Variants in CNTNAP3B observed in about 807,000 individuals in gnomAD.
The protein encoded by CNTNAP3B is contactin-associated protein-like 3B.
A neutral mutation model predicts 108.9 loss-of-function variants in CNTNAP3B; 25 were observed. That is an observed-to-expected ratio of 0.23 (90% CI 0.17 to 0.32). The LOEUF (loss-of-function observed/expected upper bound fraction) is 0.32, where lower values mean the gene tolerates loss of function less well. Among genes scored for constraint, CNTNAP3B ranks in the 10% least tolerant of loss-of-function variants. CNTNAP3B has a pLI of 1.00. For synonymous variants in CNTNAP3B, 103 were observed against 473.4 expected, an observed-to-expected ratio of 0.22 and a Z score of 10.16; for missense variants, 252 against 1,210.4, an observed-to-expected ratio of 0.21 and a Z score of 11.75.
At chr9:41,944,942 A>G (rs1824479965) in intron 13 of CNTNAP3B, among the ~76,000 whole-genome samples, 1 of 151,750 alleles carries the variant, frequency 6.6e-6, no homozygotes, top group Non-Finnish European at 1.5e-5. Flanking sequence ...AACCTCATCA[A>G]AAAGTGGGCG....
chr9:41,927,473 G>GAGAA (rs1554737875), intron 15 of CNTNAP3B, among the ~76,000 whole-genome samples: 29 of 130,238 alleles, frequency 2.2e-4, no homozygotes, highest in African/African-American at 8.0e-4. Context: ...GGAGGGAGTG[G>GAGAA]GGAAGGAAGG....
chr9:41,915,964 A>G (rs1377962366), intron 18 of CNTNAP3B, among the ~76,000 whole-genome samples: 13 of 151,594 alleles, frequency 8.6e-5, no homozygotes, highest in African/African-American at 3.2e-4. Flanking sequence ...CTAACTTAAT[A>G]CAAGTGAGAT....
chr9:41,941,822 T>A (rs1381716776), intron 13 of CNTNAP3B, among the ~76,000 whole-genome samples: 1 of 150,640 alleles, frequency 6.6e-6, no homozygotes, highest in Admixed American at 6.6e-5. Context: ...ACTCCTAGAG[T>A]GGGGGATACG....
chr9:42,118,177 G>A (rs1828366359), intron 1 of CNTNAP3B, among the ~76,000 whole-genome samples: 1 of 139,416 alleles, frequency 7.2e-6, no homozygotes, highest in Non-Finnish European at 1.5e-5. Flanking sequence ...CTCATTTTAT[G>A]AGGCCAGCAT....
At chr9:42,095,914 G>A (rs1241425906) in intron 2 of CNTNAP3B, among the ~76,000 whole-genome samples, 1 of 138,682 alleles carries the variant, frequency 7.2e-6, no homozygotes, top group African/African-American at 2.9e-5. Flanking sequence ...CCTCAGGGAT[G>A]GCGACCTGCT....
At chr9:41,932,579 G>A (rs1206476001) in intron 14 of CNTNAP3B, among the ~76,000 whole-genome samples, 3 of 151,408 alleles carry the variant, frequency 2.0e-5, no homozygotes, top group South Asian at 2.1e-4. Flanking sequence ...GAGTGCAATG[G>A]TGTGATCTCT....
rs1327554975 is a variant in CNTNAP3B, at chr9:42,079,503, G to GGTTTT, written c.197-2446_197-2442dup. Among the ~76,000 whole-genome samples the GGTTTT allele has an allele frequency of 6.9e-4, 84 of 122,162 alleles. 2 individuals carry two copies. The East Asian group carries it at 0.014, about 20-fold the overall frequency. The allele number at this position is 122,162 out of a possible 152,430, so 80.1% of individuals were successfully genotyped here. On this transcript the variant is annotated intron_variant, in intron 2 of 23. Coordinates refer to ENST00000377561, the MANE Select transcript of CNTNAP3B (RefSeq NM_001201380.3). ...TGTTTTTCTTATTACTATTTTAAGG[G>GGTTTT]GTTTTGTTTTGTTTTGTTTTGTTTT...
Position 42,122,128 on chromosome 9 carries a change from C to T in CNTNAP3B, c.85+6882G>A, listed in dbSNP as rs558147197. Among the ~76,000 whole-genome samples the T allele has an allele frequency of 1.4e-4, 20 of 139,368 alleles. 3 individuals carry two copies. The highest frequency in any genetic ancestry group is 2.3e-4 in the South Asian group (1 of 4,306). 91.4% of individuals were successfully genotyped at this position (139,368 alleles called of 152,430 possible). A position where few individuals can be genotyped will look rare whatever the true frequency, so the allele number is the denominator to read the frequency against. ...CTTTGCTTGCCCTTTGGCAACACTG[C>T]TGAAATAAATCTCTTATAGTTCAAG... is the stretch of plus-strand genomic sequence containing the variant. On this transcript the variant is annotated intron_variant, in intron 1 of 23. Transcript: ENST00000377561.
In CNTNAP3B at chr9:42,122,023, A is replaced by T. The variant is rs1182243853; in HGVS notation, c.85+6987T>A. ...GGGGAATATGGATGGGCACAGATGG[A>T]TGTGTGCACACGCAGTGGGTTACAT... On this transcript the variant is annotated intron_variant, in intron 1 of 23. Transcript: ENST00000377561. Among the ~76,000 whole-genome samples the T allele has an allele frequency of 4.3e-5, 6 of 139,720 alleles. 2 individuals carry two copies. Among genetic ancestry groups the T allele is most frequent in the Non-Finnish European group, 9.2e-5 (6 of 65,034 alleles). The allele number at this position is 139,720 out of a possible 152,430, so 91.7% of individuals were successfully genotyped here.
intron 6 of CNTNAP3B, among the ~76,000 whole-genome samples, chr9:41,997,231 T>C (rs1825915439): frequency 6.6e-6 from 1 of 151,196 alleles, no homozygotes; most frequent in Non-Finnish European, 1.5e-5. Context: ...CCCAGGAATC[T>C]GCATAGTCAA....
In CNTNAP3B at chr9:42,096,354, T is replaced by C. The variant is rs1587268920; in HGVS notation, c.196+8275A>G. On this transcript the variant is annotated intron_variant, in intron 2 of 23. Coordinates refer to ENST00000377561, the MANE Select transcript of CNTNAP3B (RefSeq NM_001201380.3). ...TGCTGAGGGTTCCTAGTCTGCGAGA[T>C]AGCAGAAAAATTAAAACACCTTTAG... Among the ~76,000 whole-genome samples, 2 of 140,360 alleles carry C rather than the reference T, an allele frequency of 1.4e-5. 1 individual carries two copies. Among genetic ancestry groups the C allele is most frequent in the Admixed American group, 1.4e-4 (2 of 14,244 alleles). 92.1% of individuals were successfully genotyped at this position (140,360 alleles called of 152,430 possible).
intron 13 of CNTNAP3B, among the ~76,000 whole-genome samples, chr9:41,943,345 ATTT>A (rs1165684239): frequency 0.038 from 5,025 of 131,718 alleles, 7 homozygotes; most frequent in Middle Eastern, 0.079. Flanking sequence ...TTGGACAATA[ATTT>A]TTTTTTTTTT....
At chr9:41,935,049 G>A (rs1259032394) in intron 14 of CNTNAP3B, among the ~76,000 whole-genome samples, 5 of 152,142 alleles carry the variant, frequency 3.3e-5, no homozygotes, top group Non-Finnish European at 4.4e-5. Context: ...ATATTTTAGA[G>A]AATATATTGG....
At chr9:41,932,441 G>T (rs1461529528) in intron 14 of CNTNAP3B, among the ~76,000 whole-genome samples, 1 of 151,598 alleles carries the variant, frequency 6.6e-6, no homozygotes, top group Non-Finnish European at 1.5e-5. Flanking sequence ...TTAAGGCAAA[G>T]TAGAGCCATA....
At chr9:42,128,233 G>T (rs1485064478) in intron 1 of CNTNAP3B, among the ~76,000 whole-genome samples, 3 of 139,690 alleles carry the variant, frequency 2.1e-5, no homozygotes, top group Admixed American at 7.1e-5. Context: ...TCATCTGTCT[G>T]GAATATCATC....
At chr9:42,086,187 T>C (rs1827699267) in intron 2 of CNTNAP3B, among the ~76,000 whole-genome samples, 1 of 142,864 alleles carries the variant, frequency 7.0e-6, no homozygotes, top group Non-Finnish European at 1.5e-5. Context: ...GTCCCCCTTA[T>C]AAAACCATCA....
rs1318234072 is a variant in CNTNAP3B, at chr9:42,079,412, T to C, written c.197-2350A>G. Among the ~76,000 whole-genome samples, 10 of 128,436 alleles carry C rather than the reference T, an allele frequency of 7.8e-5. No homozygotes were observed. The East Asian group carries it at 2.4e-3, about 31-fold the overall frequency. 84.3% of individuals were successfully genotyped at this position (128,436 alleles called of 152,430 possible). ...AACTTTAATTGGTGGGAGATCCTTT[T>C]GGGGTTGGTCTAACTAGCAACCAAT... On this transcript the variant is annotated intron_variant, in intron 2 of 23. Coordinates refer to ENST00000377561, the MANE Select transcript of CNTNAP3B (RefSeq NM_001201380.3).
chr9:42,029,609 C>A (rs1311487392), intron 3 of CNTNAP3B, among the ~76,000 whole-genome samples: 10 of 122,510 alleles, frequency 8.2e-5, no homozygotes, highest in African/African-American at 3.4e-4. Flanking sequence ...CGGCTCACCA[C>A]AACCTCTGCC....
chr9:41,949,823 G>T (rs1403480547), intron 13 of CNTNAP3B, among the ~76,000 whole-genome samples: 1 of 151,890 alleles, frequency 6.6e-6, no homozygotes. Context: ...GTTAGGTAAA[G>T]AATTTTTAGA....
Sources: allele counts gnomAD v4.1 joint callset (sites outside exome capture counted in the v4.1 genomes callset), GRCh38; gene constraint gnomAD v4.1.1; transcripts MANE v1.5; gene names NCBI Gene and HGNC (gene_info 2026-07-23, HGNC 2026-07-21).